The following RALYL variants were observed in gnomAD, a reference collection of about 807,000 sequenced individuals.
RALYL encodes RALY RNA binding protein like.
Under a neutral mutation model 35.1 loss-of-function variants are expected in RALYL, and 29 were observed. The observed-to-expected ratio is 0.83, with a 90% CI of 0.61 to 1.13. RALYL has a LOEUF of 1.13. Ranked by LOEUF, RALYL falls within the 50% of genes most tolerant of loss-of-function variation. RALYL has a pLI of 0.00. For synonymous variants in RALYL, 120 were observed against 127.6 expected, an observed-to-expected ratio of 0.94 and a Z score of 0.40; for missense variants, 359 against 360.4, an observed-to-expected ratio of 1.00 and a Z score of 0.03.
intron 1 of RALYL, among the ~76,000 whole-genome samples, chr8:84,209,055 A>C (rs1375673597): frequency 6.6e-6 from 1 of 151,270 alleles, no homozygotes; most frequent in African/African-American, 2.4e-5. Context: ...ACATGCATAC[A>C]CACATTTAAT....
intron 1 of RALYL, among the ~76,000 whole-genome samples, chr8:84,227,659 C>T (rs1341420913): frequency 1.3e-5 from 2 of 152,002 alleles, no homozygotes; most frequent in African/African-American, 2.4e-5. Flanking sequence ...TAGAGTCACA[C>T]TATGTGATGG....
intron 2 of RALYL, among the ~76,000 whole-genome samples, chr8:84,620,852 C>T (rs958889056): frequency 1.4e-4 from 21 of 152,072 alleles, no homozygotes; most frequent in African/African-American, 4.6e-4. Context: ...AGTACCCTGC[C>T]GTGTGAGGTG....
At chr8:84,432,392 G>A (rs1233398646) in intron 1 of RALYL, among the ~76,000 whole-genome samples, 4 of 152,008 alleles carry the variant, frequency 2.6e-5, no homozygotes, top group Non-Finnish European at 5.9e-5. Flanking sequence ...GGAGAAATAG[G>A]GAGCTGCTAT....
At chr8:84,521,674 A>C (rs1300876895) in intron 1 of RALYL, among the ~76,000 whole-genome samples, 1 of 152,228 alleles carries the variant, frequency 6.6e-6, no homozygotes. Context: ...TATTTAACAA[A>C]TAATTGTTTA....
chr8:84,369,789 T>A (rs373601769), intron 1 of RALYL, among the ~76,000 whole-genome samples: 4 of 152,170 alleles, frequency 2.6e-5, no homozygotes, highest in African/African-American at 9.6e-5. Flanking sequence ...TGCTCTCCAA[T>A]TGCAGTATAT....
chr8:84,403,172 C>A (rs553534454), intron 1 of RALYL, among the ~76,000 whole-genome samples: 16 of 152,168 alleles, frequency 1.1e-4, no homozygotes, highest in African/African-American at 3.6e-4. Flanking sequence ...AACTAGATCC[C>A]ATTTGTCAAT....
At chr8:84,390,395 T>A (rs1426377268) in intron 1 of RALYL, among the ~76,000 whole-genome samples, 1 of 152,150 alleles carries the variant, frequency 6.6e-6, no homozygotes, top group South Asian at 2.1e-4. Context: ...TTCTATTGAT[T>A]GGAATAGTTT....
intron 2 of RALYL, among the ~76,000 whole-genome samples, chr8:84,620,881 G>T (rs914800719): frequency 7.2e-5 from 11 of 152,232 alleles, no homozygotes; most frequent in Admixed American, 5.9e-4. Context: ...CCCCTGCTGG[G>T]GGGTGCCTCC....
intron 1 of RALYL, among the ~76,000 whole-genome samples, chr8:84,394,310 T>C (rs1209208664): frequency 6.6e-6 from 1 of 152,130 alleles, no homozygotes; most frequent in African/African-American, 2.4e-5. Flanking sequence ...TTGAACAATT[T>C]TAAGTAGTTT....
intron 1 of RALYL, among the ~76,000 whole-genome samples, chr8:84,291,920 A>C (rs1478241646): frequency 6.7e-6 from 1 of 149,292 alleles, no homozygotes; most frequent in South Asian, 2.1e-4. Flanking sequence ...CATATATATA[A>C]TCTAAATATA....
chr8:84,452,737 G>T (rs2049644331), intron 1 of RALYL, among the ~76,000 whole-genome samples: 1 of 151,976 alleles, frequency 6.6e-6, no homozygotes, highest in Non-Finnish European at 1.5e-5. Context: ...GCATAGAACT[G>T]TTTATGTATT....
chr8:84,219,070 G>A (rs1292337117), intron 1 of RALYL, among the ~76,000 whole-genome samples: 1 of 152,012 alleles, frequency 6.6e-6, no homozygotes, highest in Non-Finnish European at 1.5e-5. Context: ...TAGTTACAGT[G>A]AACTAAAATA....
intron 1 of RALYL, among the ~76,000 whole-genome samples, chr8:84,354,636 A>G (rs1851489322): frequency 6.7e-6 from 1 of 150,300 alleles, no homozygotes; most frequent in Non-Finnish European, 1.5e-5. Context: ...TCATTCTTAT[A>G]TAATTTAAGT....
intron 2 of RALYL, among the ~76,000 whole-genome samples, chr8:84,659,358 G>A (rs866157818): frequency 1.3e-5 from 2 of 152,046 alleles, no homozygotes; most frequent in Middle Eastern, 3.2e-3. Flanking sequence ...GTCTGGCTGC[G>A]GTGTTCCCCA....
intron 2 of RALYL, among the ~76,000 whole-genome samples, chr8:84,680,299 C>A (rs960237500): frequency 6.6e-6 from 1 of 151,966 alleles, no homozygotes; most frequent in Non-Finnish European, 1.5e-5. Context: ...GAATAGTGCC[C>A]CAATAAACAT....
chr8:84,472,990 A>G (rs2052962223), intron 1 of RALYL, among the ~76,000 whole-genome samples: 3 of 152,150 alleles, frequency 2.0e-5, no homozygotes, highest in Admixed American at 6.5e-5. Flanking sequence ...CCTCAGCTTT[A>G]GTACTCTGTC....
intron 2 of RALYL, among the ~76,000 whole-genome samples, chr8:84,627,289 T>C (rs1822943086): frequency 6.6e-6 from 1 of 150,618 alleles, no homozygotes; most frequent in Admixed American, 6.6e-5. Context: ...TAGACCATGA[T>C]AATTTTCCAG....
chr8:84,849,917 G>GTTAA, intron 4 of RALYL, 63 bp from the exon 5 acceptor site: 1 of 875,204 alleles, frequency 1.1e-6, no homozygotes, highest in South Asian at 1.9e-5. Flanking sequence ...AACATCATAA[G>GTTAA]TTAATAATAA....
At position 84,884,451 on chromosome 8, in the gene RALYL, C is replaced by A. The variant is rs1842650648; in HGVS notation, c.686-3153C>A. Among the ~76,000 whole-genome samples, 2 of 151,878 alleles carry A rather than the reference C, an allele frequency of 1.3e-5. 1 individual carries two copies. Among genetic ancestry groups the A allele is most frequent in the South Asian group, 4.1e-4 (2 of 4,824 alleles). ...AGGGGTCCTTTGAAAATCTGCTATG[C>A]TTCCTTGGCCAGAGATCTTCTAGAG... On this transcript the variant is annotated intron_variant, in intron 7 of 8. Coordinates refer to ENST00000521268, the MANE Select transcript of RALYL (RefSeq NM_173848.7).
Sources: gnomAD v4.1 joint callset for allele counts (sites outside exome capture counted in the v4.1 genomes callset) on GRCh38, gnomAD v4.1.1 for gene constraint, MANE v1.5 for transcripts, NCBI Gene and HGNC (gene_info 2026-07-23, HGNC 2026-07-21) for gene names.